The following GREP1 variants were observed in gnomAD, a reference collection of about 807,000 sequenced individuals.
GREP1 encodes glycine rich extracellular protein 1.
intron 29 of GREP1, 75 bp downstream of exon 26, chr16:3,000,193 T>G (rs2072452536): frequency 5.0e-6 from 2 of 399,218 alleles, no homozygotes; most frequent in South Asian, 2.5e-4. Flanking sequence ...AGTCTGTCTG[T>G]CCGCATCCCC....
At chr16:2,997,304 T>C (rs968485255) in intron 21 of GREP1, 8 of 398,454 alleles carry the variant, frequency 2.0e-5, no homozygotes, top group East Asian at 3.6e-5. Flanking sequence ...GGTTTCTGAC[T>C]TGGCTCTGAA....
chr16:2,995,184 T>A (rs528144718), intron 13 of GREP1, 100 bp from the exon 15 acceptor site: 21 of 319,402 alleles, frequency 6.6e-5, no homozygotes, highest in African/African-American at 1.3e-4. Context: ...GAGCAGGTCC[T>A]GAGGGGGATG....
rs1483829982 is a variant in GREP1, at chr16:3,000,082, C to T, written c.1232-4C>T. ...TCTCTGAGTCACAGTTTTCTCTCCC[C>T]CAGGTTTTAATGGTGGCCTCGAGCC... On this transcript the variant is annotated splice_region_variant and splice_polypyrimidine_tract_variant and intron_variant, in intron 28 of 34. Coordinates refer to ENST00000573315, the Ensembl canonical transcript of GREP1. 5.0e-6 allele frequency: 2 copies of T among 399,032 alleles called. No individual in the cohort carries two copies. The highest frequency in any genetic ancestry group is 3.6e-5 in the East Asian group (1 of 28,088). The allele number at this position is 399,032 out of a possible 1,614,324, so 24.7% of individuals were successfully genotyped here.
In GREP1 at chr16:2,996,495, G is replaced by T; in HGVS notation, c.677-1G>T. The T allele has an allele frequency of 2.5e-6, 1 of 399,054 alleles. No individual in the cohort carries two copies. The highest frequency in any genetic ancestry group is 4.4e-6 in the Non-Finnish European group (1 of 226,140). 24.7% of individuals were successfully genotyped at this position (399,054 alleles called of 1,614,324 possible). ...CACACCCTCCCCGTCCCTCCCCCTAGAATATGGCCATGGAAATGGACCGGG... is the reference window on the plus strand; with the variant it reads ...CACACCCTCCCCGTCCCTCCCCCTATAATATGGCCATGGAAATGGACCGGG... On this transcript the variant is annotated splice_acceptor_variant, in intron 18 of 34. Coordinates refer to ENST00000573315, the Ensembl canonical transcript of GREP1. LOFTEE classifies it high-confidence loss of function.
intron 2 of GREP1, 125 bp downstream of exon 2, chr16:2,988,747 G>A (rs557224113): frequency 1.0e-5 from 4 of 398,172 alleles, no homozygotes; most frequent in South Asian, 1.3e-4. Flanking sequence ...GCTGTCTTCC[G>A]GGCAGGGAGT....
chr16:2,992,786 T>C lies in GREP1; in HGVS notation c.323-19T>C, dbSNP rs1415826263. 2 of 399,036 alleles carry C rather than the reference T, an allele frequency of 5.0e-6. No individual in the cohort carries two copies. Among genetic ancestry groups the C allele is most frequent in the Non-Finnish European group, 8.8e-6 (2 of 226,174 alleles). 24.7% of individuals were successfully genotyped at this position (399,036 alleles called of 1,614,324 possible). A position where few individuals can be genotyped will look rare whatever the true frequency, so the allele number is the denominator to read the frequency against. ...CCCACTGCACCACCTTCCACACTCC[T>C]GTGTCTGCCCTCAAACAGGTCCTGC... On this transcript the variant is annotated intron_variant, in intron 8 of 34. Transcript: ENST00000573315. This position sits in a 1 kb window ranked among gnomAD's most constrained non-coding sequence, Gnocchi z 4.9.
At position 2,995,677 on chromosome 16, in the gene GREP1, G is replaced by A. The variant is rs1596462348; in HGVS notation, c.589+23G>A. 2.8e-5 allele frequency: 11 copies of A among 398,692 alleles called. No individual in the cohort carries two copies. The East Asian group carries it at 3.9e-4, about 14-fold the overall frequency. The allele number at this position is 398,692 out of a possible 1,614,324, so 24.7% of individuals were successfully genotyped here. On this transcript the variant is annotated intron_variant, in intron 16 of 34. Transcript: ENST00000573315. ...CAGGTAGGAGCAGGGGTGGGGAGGG[G>A]CTGGGGGAGAATGTGGGTGGGGCCC...
rs754977096 is a variant in GREP1 at position 2,994,913 on chromosome 16, A to C, written c.449-14A>C. The C allele has an allele frequency of 2.5e-6, 1 of 398,986 alleles. No individual in the cohort carries two copies. The highest frequency in any genetic ancestry group is 4.4e-6 in the Non-Finnish European group (1 of 226,186). The allele number at this position is 398,986 out of a possible 1,614,324, so 24.7% of individuals were successfully genotyped here. ...CTCCCCTCATTCATACCCCGCCTTG[A>C]TCTATTCCCCCAGGATTCCAGTACA... On this transcript the variant is annotated splice_polypyrimidine_tract_variant and intron_variant, in intron 12 of 34. Transcript: ENST00000573315.
rs142628216 is a variant in GREP1 at position 2,990,592 on chromosome 16, G to C, written c.268+5G>C. On this transcript the variant is annotated splice_donor_5th_base_variant and intron_variant, in intron 7 of 34. Coordinates refer to ENST00000573315, the Ensembl canonical transcript of GREP1. ...CAGGTGCTGCAGCCCAGCCAGGTGA[G>C]GCTGGGGGAAGCGGGTAAGGAATGG... 796 of 399,334 alleles carry C rather than the reference G, an allele frequency of 2.0e-3. 7 individuals are homozygous for C. The highest frequency in any genetic ancestry group is 0.015 in the African/African-American group (732 of 48,738). The allele number at this position is 399,334 out of a possible 1,614,324, so 24.7% of individuals were successfully genotyped here.
In GREP1 at chr16:2,992,585, T is replaced by A. The variant is rs752116088; in HGVS notation, c.323-220T>A. 5.3e-6 allele frequency: 2 copies of A among 380,070 alleles called. No individual in the cohort carries two copies. The highest frequency in any genetic ancestry group is 6.5e-4 in the Middle Eastern group (1 of 1,530). The allele number at this position is 380,070 out of a possible 1,614,324, so 23.5% of individuals were successfully genotyped here. The stretch of plus-strand genomic sequence containing the variant: ...TCCCAAGCCAGGCCTCGGCTGGCCA[T>A]GGAGGACACCCAAGCTGGTCAAGGG... On this transcript the variant is annotated intron_variant, in intron 8 of 34. Transcript: ENST00000573315. This position sits in a 1 kb window ranked among gnomAD's most constrained non-coding sequence, Gnocchi z 4.9.
rs973867097 is a variant in GREP1, at chr16:3,001,541, C to A, written c.1586-20C>A. 5.0e-6 allele frequency: 2 copies of A among 399,070 alleles called. No homozygotes were observed. Among genetic ancestry groups the A allele is most frequent in the African/African-American group, 2.1e-5 (1 of 48,640 alleles). The allele number at this position is 399,070 out of a possible 1,614,324, so 24.7% of individuals were successfully genotyped here. A position where few individuals can be genotyped will look rare whatever the true frequency, so the allele number is the denominator to read the frequency against. ...CACCAGGGCCCCGCCCCTCCCTAGC[C>A]CAGCTCTATGTCTTCCCAGGCCGCT... is the stretch of plus-strand genomic sequence containing the variant. On this transcript the variant is annotated intron_variant, in intron 34 of 34. Coordinates refer to ENST00000573315, the Ensembl canonical transcript of GREP1.
intron 22 of GREP1, among the ~76,000 whole-genome samples, 171 bp from the exon 21 acceptor site, chr16:2,997,632 T>G (rs1423748738): frequency 6.6e-6 from 1 of 152,020 alleles, no homozygotes; most frequent in Non-Finnish European, 1.5e-5. Flanking sequence ...AGCCCCCTTC[T>G]GTACCCCAAC....
chr16:2,990,250 G>A (rs989889281), intron 5 of GREP1, 128 bp downstream of exon 5: 2 of 397,872 alleles, frequency 5.0e-6, no homozygotes, highest in Admixed American at 4.4e-5. Context: ...TTAGTCCAAG[G>A]GGGGGTTCAA....
chr16:2,998,844 G>A lies in GREP1; in HGVS notation c.1013-4G>A, dbSNP rs1036468582. The A allele has an allele frequency of 9.5e-5, 38 of 398,912 alleles. No individual in the cohort carries two copies. The highest frequency in any genetic ancestry group is 5.8e-4 in the African/African-American group (28 of 48,600). The allele number at this position is 398,912 out of a possible 1,614,324, so 24.7% of individuals were successfully genotyped here. A position where few individuals can be genotyped will look rare whatever the true frequency, so the allele number is the denominator to read the frequency against. ...CCCCACCCCTCCCTTCCTTCCCATC[G>A]TAGGTCCCTGCAATGCGAGGGTCGC... On this transcript the variant is annotated splice_polypyrimidine_tract_variant and splice_region_variant and intron_variant, in intron 25 of 34. Transcript: ENST00000573315.
chr16:2,994,485 G>C (rs1791269359), intron 10 of GREP1: 1 of 375,030 alleles, frequency 2.7e-6, no homozygotes, highest in Non-Finnish European at 4.7e-6. Context: ...CTCCAGCCTG[G>C]GCAACAAGAG....
At chr16:2,996,601 G>C (rs2072426326) in intron 19 of GREP1, 70 bp downstream of exon 18, 3 of 399,304 alleles carry the variant, frequency 7.5e-6, no homozygotes, top group Non-Finnish European at 1.3e-5. Flanking sequence ...TGAGGCCACA[G>C]GGACAGAGAG....
Position 2,997,925 on chromosome 16 carries a change from C to T in GREP1, c.949+90C>T, listed in dbSNP as rs932646992. ...CCTCCCAAGCTGTACCCTGTCTCCC[C>T]ATGGTGCAAGAACGGGCTGGAGCTG... On this transcript the variant is annotated intron_variant, in intron 23 of 34. Transcript: ENST00000573315. 9 of 398,318 alleles carry T rather than the reference C, an allele frequency of 2.3e-5. No homozygotes were observed. The East Asian group carries it at 2.9e-4, about 13-fold the overall frequency. The allele number at this position is 398,318 out of a possible 1,614,324, so 24.7% of individuals were successfully genotyped here.
At chr16:3,001,582 G>A in exon 35 of GREP1, 2 of 399,234 alleles carry the variant, frequency 5.0e-6, no homozygotes, top group Non-Finnish European at 4.4e-6. Context: ...CTGGGGAAAT[G>A]CTGAGCACTG....
chr16:2,995,450 G>C (rs2072419525), intron 15 of GREP1, 134 bp downstream of exon 15: 1 of 398,952 alleles, frequency 2.5e-6, no homozygotes, highest in Non-Finnish European at 4.4e-6. Context: ...GAGACAGATG[G>C]GGTCTGGGGT....
Sources: gnomAD v4.1 joint callset for allele counts (sites outside exome capture counted in the v4.1 genomes callset) on GRCh38, gnomAD v4.1.1 for gene constraint, Gnocchi (gnomAD v3.1) non-coding constraint, MANE v1.5 for transcripts, NCBI Gene and HGNC (gene_info 2026-07-23, HGNC 2026-07-21) for gene names.